Variants in DGKB observed in about 807,000 individuals in gnomAD.
DGKB encodes the protein diacylglycerol kinase beta.
Under a neutral mutation model 114.3 loss-of-function variants are expected in DGKB, and 67 were observed. That is an observed-to-expected ratio of 0.59 (90% CI 0.48 to 0.72). DGKB has a LOEUF of 0.72. Among genes scored for constraint, DGKB ranks in the 30% least tolerant of loss-of-function variants. The probability of loss-of-function intolerance (pLI) is 0.00; values close to 1 mark genes in which losing one functional copy is unlikely to be tolerated. For missense variants in DGKB, 907 were observed against 975.2 expected, an observed-to-expected ratio of 0.93 and a Z score of 0.93; for synonymous variants, 398 against 323.1, an observed-to-expected ratio of 1.23 and a Z score of -2.49.
chr7:14,375,167 C>G (rs145970615), intron 21 of DGKB, among the ~76,000 whole-genome samples: 1 of 152,174 alleles, frequency 6.6e-6, no homozygotes, highest in East Asian at 1.9e-4. Context: ...GCCACATACC[C>G]AGGCCACTAC....
intron 1 of DGKB, among the ~76,000 whole-genome samples, chr7:14,911,789 G>A (rs1369201548): frequency 6.6e-6 from 1 of 152,158 alleles, no homozygotes; most frequent in Non-Finnish European, 1.5e-5. Flanking sequence ...CTTCAGATGG[G>A]AGACCAAAGA....
At chr7:14,263,637 C>T (rs1490908095) in intron 23 of DGKB, among the ~76,000 whole-genome samples, 1 of 152,170 alleles carries the variant, frequency 6.6e-6, no homozygotes, top group Non-Finnish European at 1.5e-5. Context: ...AACATTCTTT[C>T]TTGCTCTTGA....
intron 21 of DGKB, among the ~76,000 whole-genome samples, chr7:14,403,745 A>G (rs551797690): frequency 6.6e-6 from 1 of 152,004 alleles, no homozygotes; most frequent in East Asian, 1.9e-4. Context: ...CAACCACCAC[A>G]CTAGCTTGCT....
At chr7:14,927,160 A>C in intron 1 of DGKB, among the ~76,000 whole-genome samples, 1 of 151,934 alleles carries the variant, frequency 6.6e-6, no homozygotes, top group East Asian at 1.9e-4. Flanking sequence ...ACTTTTACTT[A>C]TCTATATAAA....
intron 8 of DGKB, among the ~76,000 whole-genome samples, chr7:14,696,547 A>AAAAACAAATCCCCCTCCCACTCTC (rs1481502954): frequency 6.1e-4 from 92 of 149,882 alleles, no homozygotes; most frequent in African/African-American, 2.2e-3. Flanking sequence ...ACCTGAATGG[A>AAAAACAAATCCCCCTCCCACTCTC]AAAACAAATC....
chr7:14,635,188 G>C (rs187684394), intron 13 of DGKB, among the ~76,000 whole-genome samples: 2 of 131,694 alleles, frequency 1.5e-5, no homozygotes, highest in African/African-American at 6.1e-5. Flanking sequence ...TTTAACTGTG[G>C]TTACTTCACT....
intron 1 of DGKB, among the ~76,000 whole-genome samples, chr7:14,928,924 A>G (rs1482042423): frequency 6.6e-6 from 1 of 151,884 alleles, no homozygotes; most frequent in Non-Finnish European, 1.5e-5. Context: ...GAGAACATGC[A>G]ATATTTATCT....
At chr7:14,253,984 C>T (rs1485927803) in intron 23 of DGKB, among the ~76,000 whole-genome samples, 2 of 152,172 alleles carry the variant, frequency 1.3e-5, no homozygotes, top group African/African-American at 2.4e-5. Flanking sequence ...AACTAATAAA[C>T]ATTTCCCTGA....
At chr7:14,594,826 G>A (rs970901152) in intron 17 of DGKB, among the ~76,000 whole-genome samples, 2 of 151,960 alleles carry the variant, frequency 1.3e-5, no homozygotes, top group Non-Finnish European at 2.9e-5. Context: ...CTTTGCTTAG[G>A]GTCAAATACA....
rs1164437457 is a variant in DGKB, at chr7:14,735,366, G to A, written c.322+675C>T. On this transcript the variant is annotated intron_variant, in intron 5 of 25. Coordinates refer to ENST00000402815, the MANE Select transcript of DGKB (RefSeq NM_001350709.2). The stretch of plus-strand genomic sequence containing the variant: ...TGGTGATTACTGCCATCTAAGGGCA[G>A]CACATGTTTCCTTGAGTCTATCTAC... Among the ~76,000 whole-genome samples the A allele has an allele frequency of 5.3e-5, 8 of 152,206 alleles. No individual in the cohort carries two copies. In the South Asian group the frequency reaches 1.5e-3, roughly 28 times the overall value.
chr7:14,281,505 G>A (rs1185262056), intron 23 of DGKB, among the ~76,000 whole-genome samples: 1 of 146,794 alleles, frequency 6.8e-6, no homozygotes, highest in African/African-American at 2.7e-5. Context: ...TCTGCACCAA[G>A]CGGACCTAAT....
intron 23 of DGKB, chr7:14,192,192 A>G (rs1209103060): frequency 3.8e-6 from 1 of 266,036 alleles, no homozygotes; most frequent in Non-Finnish European, 7.5e-6. Context: ...TGTAGATGTT[A>G]TAATATTTTA....
At chr7:14,449,572 G>A (rs942002131) in intron 21 of DGKB, among the ~76,000 whole-genome samples, 2 of 151,950 alleles carry the variant, frequency 1.3e-5, no homozygotes, top group African/African-American at 4.8e-5. Flanking sequence ...TGCTCTGGGA[G>A]GCATTCCAGC....
At chr7:14,613,737 T>C (rs1806015816) in intron 15 of DGKB, among the ~76,000 whole-genome samples, 1 of 151,738 alleles carries the variant, frequency 6.6e-6, no homozygotes, top group South Asian at 2.1e-4. Flanking sequence ...AGACAGTAAG[T>C]GAACAAGCCA....
intron 12 of DGKB, among the ~76,000 whole-genome samples, chr7:14,673,357 C>A (rs1032994597): frequency 1.3e-5 from 2 of 148,272 alleles, no homozygotes; most frequent in African/African-American, 5.0e-5. Flanking sequence ...TCTTCCTTTG[C>A]TTATCTGTTA....
At chr7:14,919,625 G>A (rs1477004395) in intron 1 of DGKB, among the ~76,000 whole-genome samples, 4 of 152,148 alleles carry the variant, frequency 2.6e-5, no homozygotes, top group Non-Finnish European at 5.9e-5. Flanking sequence ...CAGACAAAAA[G>A]ATAAGTAAAC....
intron 23 of DGKB, among the ~76,000 whole-genome samples, chr7:14,208,112 G>A (rs1356885903): frequency 6.6e-6 from 1 of 151,968 alleles, no homozygotes; most frequent in Non-Finnish European, 1.5e-5. Flanking sequence ...TTTGAAAAAA[G>A]TATTTAATCT....
chr7:14,188,487 C>T (rs1461499756), intron 23 of DGKB, among the ~76,000 whole-genome samples: 4 of 130,942 alleles, frequency 3.1e-5, no homozygotes, highest in Admixed American at 1.7e-4. Flanking sequence ...GGTGAAACCC[C>T]GTCTCTACTA....
chr7:14,714,619 T>TG, intron 6 of DGKB, among the ~76,000 whole-genome samples: 1 of 151,862 alleles, frequency 6.6e-6, no homozygotes, highest in South Asian at 2.1e-4. Flanking sequence ...GGTAGGTGTT[T>TG]GGAAAAAAAA....
Sources: allele counts gnomAD v4.1 joint callset (sites outside exome capture counted in the v4.1 genomes callset), GRCh38; gene constraint gnomAD v4.1.1; transcripts MANE v1.5; gene names NCBI Gene and HGNC (gene_info 2026-07-23, HGNC 2026-07-21).